Variants in ADGRG4 observed in about 807,000 individuals in gnomAD.
The protein encoded by ADGRG4 is adhesion G protein-coupled receptor G4.
Under a neutral mutation model 126.2 loss-of-function variants are expected in ADGRG4, and 122 were observed. The ratio of observed to expected loss-of-function variants is 0.97; its 90% CI spans 0.83 to 1.12. The LOEUF (loss-of-function observed/expected upper bound fraction) is 1.12, where lower values mean the gene tolerates loss of function less well. ADGRG4 is among the 50% of genes most tolerant of loss of function. The pLI is 0.00. For synonymous variants in ADGRG4, 943 were observed against 838.7 expected (o/e 1.12, Z -2.15); for missense variants, 2,481 against 2,251.8 (o/e 1.10, Z -2.06).
chrX:136,332,308 A>G (rs1603293059), intron 5 of ADGRG4, among the ~76,000 whole-genome samples: 1 of 106,045 alleles, frequency 9.4e-6, no homozygotes, highest in East Asian at 3.0e-4. Context: ...TTCCAATTTC[A>G]TCCATGTCCC....
At chrX:136,404,544 C>T (rs1672439214) in intron 22 of ADGRG4, among the ~76,000 whole-genome samples, 1 of 112,022 alleles carries the variant, frequency 8.9e-6, no homozygotes, top group Admixed American at 9.5e-5. Context: ...CCCCTAGCTA[C>T]CCAGTTTCCC....
chrX:136,363,732 T>A (rs2075141990), intron 13 of ADGRG4, 137 bp downstream of exon 13: 1 of 471,040 alleles, frequency 2.1e-6, no homozygotes. Context: ...AGAACAAAGG[T>A]AATTAATGTT....
chrX:136,409,333 A>G (rs1569339859), intron 23 of ADGRG4, among the ~76,000 whole-genome samples: 2 of 111,951 alleles, frequency 1.8e-5, no homozygotes, highest in Admixed American at 9.5e-5. Context: ...TCAATCTGTT[A>G]TGGGAAAGGA....
intron 15 of ADGRG4, among the ~76,000 whole-genome samples, chrX:136,385,630 G>T (rs1286484937): frequency 9.0e-6 from 1 of 111,336 alleles, no homozygotes; most frequent in Non-Finnish European, 1.9e-5. Flanking sequence ...TTTAAAAATG[G>T]GTCACATTTT....
chrX:136,360,533 A>T (rs905609872), intron 11 of ADGRG4, among the ~76,000 whole-genome samples: 6 of 111,122 alleles, frequency 5.4e-5, no homozygotes, highest in African/African-American at 1.6e-4. Flanking sequence ...ACTTAAGGTC[A>T]AGAGTTTGAG....
chrX:136,331,936 C>T lies in ADGRG4; in HGVS notation c.685+8544C>T, dbSNP rs1271663759. On this transcript the variant is annotated intron_variant, in intron 5 of 25. Transcript: ENST00000394143. ...GGGTCACACCATTCTCCTGCCTCAG[C>T]CTCCCAAGTAGCTGGGACTACAGGC... Among the ~76,000 whole-genome samples, 5 of 108,496 alleles carry T rather than the reference C, an allele frequency of 4.6e-5. No individual in the cohort carries two copies. In the Admixed American group the frequency reaches 4.9e-4, roughly 11 times the overall value. The allele number at this position is 108,496 out of a possible 115,157, so 94.2% of individuals were successfully genotyped here.
intron 4 of ADGRG4, among the ~76,000 whole-genome samples, chrX:136,317,632 T>C (rs2074814087): frequency 9.0e-6 from 1 of 110,905 alleles, no homozygotes. Flanking sequence ...CAAAAGACAC[T>C]ATCAAGAAAG....
At chrX:136,309,235 A>G (rs1408463857) in intron 4 of ADGRG4, among the ~76,000 whole-genome samples, 1 of 112,427 alleles carries the variant, frequency 8.9e-6, no homozygotes, top group Non-Finnish European at 1.9e-5. Context: ...TTCTGTCTCC[A>G]TTATATGTAT....
At chrX:136,353,867 C>T (rs1312827142) in intron 8 of ADGRG4, among the ~76,000 whole-genome samples, 2 of 111,844 alleles carry the variant, frequency 1.8e-5, no homozygotes, top group East Asian at 5.6e-4. Context: ...GCACAAATTT[C>T]GAAAGGTGAT....
chrX:136,340,738 C>A (rs2074974399), intron 5 of ADGRG4, among the ~76,000 whole-genome samples: 1 of 111,637 alleles, frequency 9.0e-6, no homozygotes, highest in Non-Finnish European at 1.9e-5. Flanking sequence ...TGTCTAATTT[C>A]TTCTCTAAAT....
chrX:136,342,680 A>C (rs1017659334), intron 5 of ADGRG4, among the ~76,000 whole-genome samples: 1 of 110,253 alleles, frequency 9.1e-6, no homozygotes, highest in Non-Finnish European at 1.9e-5. Context: ...CAGCAAATGC[A>C]ATGGTCTTGT....
intron 15 of ADGRG4, among the ~76,000 whole-genome samples, chrX:136,386,822 A>G (rs2075294552): frequency 8.9e-6 from 1 of 112,259 alleles, no homozygotes; most frequent in Non-Finnish European, 1.9e-5. Context: ...CTTGTCAAAT[A>G]CTATTACCAA....
At chrX:136,326,401 G>A (rs866881474) in intron 5 of ADGRG4, among the ~76,000 whole-genome samples, 3 of 112,246 alleles carry the variant, frequency 2.7e-5, no homozygotes, top group South Asian at 3.7e-4. Context: ...GGCTCAGAGA[G>A]GTTGAGTAAA....
At chrX:136,398,057 T>C (rs2037485451) in intron 20 of ADGRG4, 55 bp downstream of exon 20, 1 of 1,094,035 alleles carries the variant, frequency 9.1e-7, no homozygotes, top group South Asian at 2.0e-5. Flanking sequence ...ATGGATGCTA[T>C]TACCATTGTA....
chrX:136,357,734 A>G lies in ADGRG4; in HGVS notation c.6958A>G (p.Thr2320Ala). The stretch of plus-strand genomic sequence containing the variant: ...ACAGAGAGAAGGACAAGAAATGGCT[A>G]CAATTTCCTATGTACCATACAGGTA... ...LEQREGQEMA[T>A]ISYVPYSCVC... Residue 2320 changes from threonine to alanine, a missense_variant, in exon 10 of 26, where the codon ACA becomes GCA. Transcript: ENST00000394143. 1 of 1,181,026 alleles carries G rather than the reference A, an allele frequency of 8.5e-7. No homozygotes were observed. Among genetic ancestry groups the G allele is most frequent in the Non-Finnish European group, 1.2e-6 (1 of 868,473 alleles).
Position 136,350,050 on chromosome X carries a change from C to A in ADGRG4, c.6344C>A (p.Ala2115Asp). The change falls in exon 6 of 26, where the codon GCC becomes GAC. Residue 2115 changes from alanine to aspartate, a missense_variant. Physicochemically the swap from Ala to Asp is moderately radical, Grantham distance 126. Transcript: ENST00000394143. The stretch of plus-strand genomic sequence containing the variant: ...GCATCCTCCAGAACCACAATAACTG[C>A]CAACCCCAGGACTGTGTCTCATCCT... ...PEASSRTTIT[A>D]NPRTVSHPSS... 8.3e-7 allele frequency: 1 copy of A among 1,210,795 alleles called. No individual in the cohort carries two copies. Among genetic ancestry groups the A allele is most frequent in the Non-Finnish European group, 1.1e-6 (1 of 894,888 alleles).
chrX:136,338,879 G>C (rs867202787), intron 5 of ADGRG4, among the ~76,000 whole-genome samples: 9 of 111,851 alleles, frequency 8.0e-5, no homozygotes, highest in Admixed American at 2.8e-4. Context: ...CACAGGTCTT[G>C]GTCCATTTTT....
intron 5 of ADGRG4, among the ~76,000 whole-genome samples, chrX:136,329,871 T>C (rs1404811350): frequency 1.8e-5 from 2 of 109,781 alleles, no homozygotes; most frequent in Admixed American, 9.8e-5. Context: ...TATTATTTTA[T>C]TTTATTTTAT....
chrX:136,383,917 AG>A (rs2075279742), intron 15 of ADGRG4, among the ~76,000 whole-genome samples: 1 of 42,829 alleles, frequency 2.3e-5, no homozygotes, highest in South Asian at 9.3e-4. Flanking sequence ...TTCTTTTTGG[AG>A]TCTCCCTCTG....
Sources: gnomAD v4.1 joint callset for allele counts (sites outside exome capture counted in the v4.1 genomes callset) on GRCh38, gnomAD v4.1.1 for gene constraint, MANE v1.5 for transcripts, NCBI Gene and HGNC (gene_info 2026-07-23, HGNC 2026-07-21) for gene names.